The following OSGIN2 variants were observed in gnomAD, a reference collection of about 807,000 sequenced individuals.
OSGIN2 encodes oxidative stress induced growth inhibitor family member 2.
A neutral mutation model predicts 53.8 loss-of-function variants in OSGIN2; 19 were observed. The ratio of observed to expected loss-of-function variants is 0.35; its 90% confidence interval spans 0.25 to 0.52. The LOEUF is 0.52. Among genes scored for constraint, OSGIN2 ranks in the 20% least tolerant of loss-of-function variants. The pLI, the probability that OSGIN2 is intolerant of heterozygous loss-of-function variation, is 0.95. For synonymous variants in OSGIN2, 236 were observed against 236.0 expected (o/e 1.00, Z 0.00); for missense variants, 520 against 662.7 (o/e 0.78, Z 2.36).
intron 5 of OSGIN2, among the ~76,000 whole-genome samples, chr8:89,923,655 T>C (rs1479283560): frequency 6.6e-6 from 1 of 152,226 alleles, no homozygotes; most frequent in Non-Finnish European, 1.5e-5. Flanking sequence ...TCTGAGCACA[T>C]TTAAGGCAAG....
chr8:89,905,438 T>A (rs529735062), intron 1 of OSGIN2, among the ~76,000 whole-genome samples: 1 of 152,344 alleles, frequency 6.6e-6, no homozygotes, highest in East Asian at 1.9e-4. Context: ...AATCTAGAGA[T>A]TAACACTGTT....
chr8:89,910,639 A>C (rs1477488139), intron 2 of OSGIN2, among the ~76,000 whole-genome samples: 1 of 152,160 alleles, frequency 6.6e-6, no homozygotes, highest in East Asian at 1.9e-4. Context: ...CAACCAAGAG[A>C]TATCAGGGAC....
chr8:89,919,930 T>C (rs1809160437), intron 4 of OSGIN2, among the ~76,000 whole-genome samples: 1 of 152,036 alleles, frequency 6.6e-6, no homozygotes, highest in Non-Finnish European at 1.5e-5. Context: ...GGCATATAGG[T>C]TACATGGGGA....
chr8:89,909,627 T>C lies in OSGIN2; in HGVS notation c.105T>C (p.Gly35=). The C allele has an allele frequency of 6.2e-7, 1 of 1,610,322 alleles. No homozygotes were observed. The highest frequency in any genetic ancestry group is 8.5e-7 in the Non-Finnish European group (1 of 1,177,308). Residue 35 remains glycine (G), a synonymous_variant, in exon 2 of 6, where the codon GGT becomes GGC. Coordinates refer to ENST00000451899, the MANE Select transcript of OSGIN2 (RefSeq NM_001126111.3). ...EIFNSLVQYF[G]DNLGRKVKAM... ...TTAATTCCTTAGTGCAATACTTTGG[T>C]GACAACTTGGGGCGAAAAGTTAAAG...
In OSGIN2 at chr8:89,909,458, T is replaced by C. The variant is rs1334913477; in HGVS notation, c.45-109T>C. The C allele has an allele frequency of 2.4e-5, 14 of 590,714 alleles. No homozygotes were observed. In the East Asian group the frequency reaches 4.4e-4, roughly 19 times the overall value. 36.6% of individuals were successfully genotyped at this position (590,714 alleles called of 1,614,324 possible). On this transcript the variant is annotated intron_variant, in intron 1 of 5. Transcript: ENST00000451899. Reference sequence around the variant, plus strand: ...AGAAGGATTTTCTTTGCTTCTTTTATGGAATGATTAAAATATTTTATGTCT... The same window carrying C: ...AGAAGGATTTTCTTTGCTTCTTTTACGGAATGATTAAAATATTTTATGTCT...
At chr8:89,905,801 T>G (rs939325919) in intron 1 of OSGIN2, among the ~76,000 whole-genome samples, 4 of 152,206 alleles carry the variant, frequency 2.6e-5, no homozygotes, top group African/African-American at 7.2e-5. Flanking sequence ...GGGCTGCACA[T>G]GCAAAAAACT....
intron 1 of OSGIN2, among the ~76,000 whole-genome samples, chr8:89,904,645 G>A (rs1272671230): frequency 1.3e-5 from 2 of 151,870 alleles, no homozygotes; most frequent in Non-Finnish European, 2.9e-5. Context: ...GTGAAACCCC[G>A]TCTCTACTAA....
rs1809332338 is a variant in OSGIN2, at chr8:89,926,339, A to G, written c.*807A>G. 1.3e-5 allele frequency: 2 copies of G among 152,614 alleles called. No individual in the cohort carries two copies. Among genetic ancestry groups the G allele is most frequent in the African/African-American group, 4.8e-5 (2 of 41,458 alleles). 9.5% of individuals were successfully genotyped at this position (152,614 alleles called of 1,614,324 possible). ...TTTTTCAGAGATTTATTCTCGATTTAACTATCATAGCATTTAATGAATCTG... is the reference window on the plus strand; with the variant it reads ...TTTTTCAGAGATTTATTCTCGATTTGACTATCATAGCATTTAATGAATCTG... On this transcript the variant is annotated 3_prime_UTR_variant, in exon 6 of 6. Coordinates refer to ENST00000451899, the MANE Select transcript of OSGIN2 (RefSeq NM_001126111.3).
At chr8:89,921,322 T>C (rs1809199244) in intron 5 of OSGIN2, 151 bp downstream of exon 5, 1 of 552,940 alleles carries the variant, frequency 1.8e-6, no homozygotes, top group Non-Finnish European at 3.2e-6. Context: ...GATTATAATA[T>C]GCTAGTTTTC....
chr8:89,904,300 C>T lies in OSGIN2; in HGVS notation c.44+1463C>T, dbSNP rs533871843. Reference sequence around the variant, plus strand: ...AATATTGTGTGAAAGCTATTTGACACCTTTTGATGCACAGTGTAGGATTCA... The same window carrying T: ...AATATTGTGTGAAAGCTATTTGACATCTTTTGATGCACAGTGTAGGATTCA... On this transcript the variant is annotated intron_variant, in intron 1 of 5. Transcript: ENST00000451899. Among the ~76,000 whole-genome samples, 152 of 152,316 alleles carry T rather than the reference C, an allele frequency of 1.0e-3. 7 individuals are homozygous for T. The South Asian group carries it at 0.031, about 31-fold the overall frequency.
chr8:89,921,443 G>T (rs1041353040), intron 5 of OSGIN2: 62 of 301,084 alleles, frequency 2.1e-4, no homozygotes, highest in African/African-American at 1.2e-3. Flanking sequence ...ATCACTCTCT[G>T]TTTAGTTACT....
At position 89,909,665 on chromosome 8, in the gene OSGIN2, T is replaced by C; in HGVS notation, c.143T>C (p.Val48Ala). Residue 48 changes from valine to alanine, a missense_variant, in exon 2 of 6, where the codon GTT becomes GCT. Physicochemically the swap from Val to Ala is moderately conservative, Grantham distance 64. Coordinates refer to ENST00000451899, the MANE Select transcript of OSGIN2 (RefSeq NM_001126111.3). Reference protein sequence around the residue: ...LGRKVKAMPLVEETSLLEDSS... With the variant: ...LGRKVKAMPLAEETSLLEDSS... ...CGAAAAGTTAAAGCGATGCCATTAG[T>C]TGAAGAAACTTCTTTACTGGAAGAT... 6.2e-7 allele frequency: 1 copy of C among 1,611,240 alleles called. No individual in the cohort carries two copies.
rs1809023293 is a variant in OSGIN2 at position 89,913,971 on chromosome 8, G to A, written c.200-106G>A. 1.3e-5 allele frequency: 12 copies of A among 894,364 alleles called. No homozygotes were observed. The South Asian group carries it at 1.7e-4, about 13-fold the overall frequency. The allele number at this position is 894,364 out of a possible 1,614,324, so 55.4% of individuals were successfully genotyped here. A position where few individuals can be genotyped will look rare whatever the true frequency, so the allele number is the denominator to read the frequency against. On this transcript the variant is annotated intron_variant, in intron 2 of 5. Transcript: ENST00000451899. ...ATCTGGTTTTAAGAGATTAGAAAAG[G>A]AAGAACTGGTCAGAGAAAAGAGCCA...
chr8:89,919,689 T>C (rs1175359618), intron 4 of OSGIN2, among the ~76,000 whole-genome samples: 1 of 152,192 alleles, frequency 6.6e-6, no homozygotes, highest in Non-Finnish European at 1.5e-5. Flanking sequence ...GTTAATCCTT[T>C]CAGGCACAAG....
At chr8:89,917,772 ATTCT>A (rs1461070502) in intron 4 of OSGIN2, among the ~76,000 whole-genome samples, 2 of 152,058 alleles carry the variant, frequency 1.3e-5, no homozygotes, top group Admixed American at 1.3e-4. Flanking sequence ...ATTGATGCAA[ATTCT>A]TTTTTTTTAA....
chr8:89,903,141 T>G (rs990142397), intron 1 of OSGIN2, among the ~76,000 whole-genome samples: 6 of 152,204 alleles, frequency 3.9e-5, no homozygotes, highest in Non-Finnish European at 2.9e-5. Context: ...GTGCAAAGTT[T>G]TAGTGAAGGG....
At position 89,920,554 on chromosome 8, in the gene OSGIN2, C is replaced by G. The variant is rs189089913; in HGVS notation, c.529-526C>G. 2.7e-3 allele frequency among the ~76,000 whole-genome samples: 404 copies of G among 152,220 alleles called. 3 individuals carry two copies. The highest frequency in any genetic ancestry group is 9.4e-3 in the African/African-American group (392 of 41,524). On this transcript the variant is annotated intron_variant, in intron 4 of 5. Coordinates refer to ENST00000451899, the MANE Select transcript of OSGIN2 (RefSeq NM_001126111.3). ...AGGCATCCACTGCCTATTTCTGTAT[C>G]CTTAAGAAGAGATGCTGCTGTATCC...
Position 89,925,088 on chromosome 8 carries a change from TATG to T in OSGIN2, c.1210_1212del (p.Met404del). The T allele has an allele frequency of 1.2e-6, 2 of 1,613,760 alleles. No individual in the cohort carries two copies. Among genetic ancestry groups the T allele is most frequent in the Non-Finnish European group, 1.7e-6 (2 of 1,179,596 alleles). On this transcript the variant is annotated inframe_deletion, in exon 6 of 6. Coordinates refer to ENST00000451899, the MANE Select transcript of OSGIN2 (RefSeq NM_001126111.3). ...ATCCTGAATATCATAAAGTCTATCA[TATG>T]ATGTGTACTCAGTCATATTCTGTAG...
chr8:89,925,814 A>G lies in OSGIN2; in HGVS notation c.*282A>G. 3.1e-6 allele frequency: 1 copy of G among 325,542 alleles called. No individual in the cohort carries two copies. The highest frequency in any genetic ancestry group is 5.7e-6 in the Non-Finnish European group (1 of 176,924). The allele number at this position is 325,542 out of a possible 1,614,324, so 20.2% of individuals were successfully genotyped here. A position where few individuals can be genotyped will look rare whatever the true frequency, so the allele number is the denominator to read the frequency against. Reference sequence around the variant, plus strand: ...TTTCTTGCAAAACTTATTTTTCATGATCATTTTTGGTTATTTATTATACTT... The same window carrying G: ...TTTCTTGCAAAACTTATTTTTCATGGTCATTTTTGGTTATTTATTATACTT... On this transcript the variant is annotated 3_prime_UTR_variant, in exon 6 of 6. Transcript: ENST00000451899.
Sources: allele counts gnomAD v4.1 joint callset (sites outside exome capture counted in the v4.1 genomes callset), GRCh38; gene constraint gnomAD v4.1.1; transcripts MANE v1.5; gene names NCBI Gene and HGNC (gene_info 2026-07-23, HGNC 2026-07-21).